The following GXYLT2 variants were observed in gnomAD, a reference collection of about 807,000 sequenced individuals.
The protein encoded by GXYLT2 is glycosyltransferase 8 domain containing 4.
Under a neutral mutation model 45.8 loss-of-function variants are expected in GXYLT2, and 53 were observed. The observed-to-expected ratio is 1.16, with a 90% confidence interval of 0.93 to 1.46. GXYLT2 has a LOEUF of 1.46. Among genes scored for constraint, GXYLT2 ranks in the 40% most tolerant of loss-of-function variants. The probability of loss-of-function intolerance (pLI) is 0.00; values close to 1 mark genes in which losing one functional copy is unlikely to be tolerated. For synonymous variants in GXYLT2, 219 were observed against 214.2 expected, an observed-to-expected ratio of 1.02 and a Z score of -0.19; for missense variants, 551 against 544.4, an observed-to-expected ratio of 1.01 and a Z score of -0.12.
intron 1 of GXYLT2, among the ~76,000 whole-genome samples, chr3:72,906,819 C>A (rs188876513): frequency 6.6e-6 from 1 of 152,298 alleles, no homozygotes; most frequent in East Asian, 1.9e-4. Flanking sequence ...TTATGAATGG[C>A]CGTCTCTCCA....
At chr3:72,967,122 C>G (rs1171378041) in intron 5 of GXYLT2, among the ~76,000 whole-genome samples, 1 of 152,184 alleles carries the variant, frequency 6.6e-6, no homozygotes, top group African/African-American at 2.4e-5. Flanking sequence ...CCCTGCTAAT[C>G]ATTTTACATG....
intron 1 of GXYLT2, among the ~76,000 whole-genome samples, chr3:72,904,892 A>AT (rs768571906): frequency 0.18 from 3,686 of 21,040 alleles, 83 homozygotes; most frequent in Non-Finnish European, 0.38. Flanking sequence ...AAAAAAAAAA[A>AT]AAAAAATTAA....
At chr3:72,902,083 C>T (rs1709420222) in intron 1 of GXYLT2, among the ~76,000 whole-genome samples, 1 of 151,102 alleles carries the variant, frequency 6.6e-6, no homozygotes, top group Non-Finnish European at 1.5e-5. Flanking sequence ...ATCAGTTTAC[C>T]AGTTGATGGA....
intron 3 of GXYLT2, among the ~76,000 whole-genome samples, chr3:72,937,693 G>A (rs1220528239): frequency 6.6e-6 from 1 of 152,160 alleles, no homozygotes; most frequent in East Asian, 1.9e-4. Flanking sequence ...TCTACTTGTA[G>A]AAGACATTCC....
At chr3:72,889,791 G>T (rs957398449) in intron 1 of GXYLT2, among the ~76,000 whole-genome samples, 2 of 151,950 alleles carry the variant, frequency 1.3e-5, no homozygotes, top group Non-Finnish European at 2.9e-5. Context: ...TATTGCCAGG[G>T]ACAGTGCTAA....
Position 72,895,791 on chromosome 3 carries a change from C to T in GXYLT2, c.275+7283C>T, listed in dbSNP as rs145203240. Among the ~76,000 whole-genome samples the T allele has an allele frequency of 6.5e-3, 989 of 152,278 alleles. 12 individuals carry two copies. Among genetic ancestry groups the T allele is most frequent in the African/African-American group, 0.023 (944 of 41,550 alleles). On this transcript the variant is annotated intron_variant, in intron 1 of 6. Transcript: ENST00000389617. ...AAGAAGTTTTTTGACATGATACCTT[C>T]ATTGGGAGTTGCTGATTTTGTGCCA...
chr3:72,937,264 A>G (rs1043402779), intron 3 of GXYLT2, among the ~76,000 whole-genome samples: 1 of 152,240 alleles, frequency 6.6e-6, no homozygotes, highest in African/African-American at 2.4e-5. Context: ...AAAAACAAGT[A>G]TTCTTTTTGA....
Position 72,908,366 on chromosome 3 carries a change from G to T in GXYLT2, c.276-1G>T. On this transcript the variant is annotated splice_acceptor_variant, in intron 1 of 6. Coordinates refer to ENST00000389617, the MANE Select transcript of GXYLT2 (RefSeq NM_001080393.2). LOFTEE classifies it high-confidence loss of function. ...CTTTCACTTGTTTTCCCTCTTTCTA[G>T]GAGGCCTGGAGAACCCAGGAGTTTC... is the stretch of plus-strand genomic sequence containing the variant. 1 of 1,578,250 alleles carries T rather than the reference G, an allele frequency of 6.3e-7. No individual in the cohort carries two copies.
intron 1 of GXYLT2, among the ~76,000 whole-genome samples, chr3:72,901,107 G>A (rs1299905224): frequency 6.6e-6 from 1 of 152,088 alleles, no homozygotes; most frequent in Non-Finnish European, 1.5e-5. Context: ...TGATCAATAT[G>A]ATGAAACCCC....
intron 2 of GXYLT2, among the ~76,000 whole-genome samples, chr3:72,911,579 C>A (rs138872319): frequency 1.4e-3 from 208 of 152,170 alleles, no homozygotes; most frequent in Admixed American, 5.2e-4. Flanking sequence ...TCTGGAGAGG[C>A]CTGCATGGTG....
At chr3:72,939,308 G>A (rs1383156596) in intron 3 of GXYLT2, among the ~76,000 whole-genome samples, 29 of 152,064 alleles carry the variant, frequency 1.9e-4, no homozygotes, top group East Asian at 1.9e-4. Context: ...TTAGCCGGGC[G>A]TGGTGGCACC....
At chr3:72,924,173 A>G (rs1468578969) in intron 3 of GXYLT2, among the ~76,000 whole-genome samples, 3 of 151,702 alleles carry the variant, frequency 2.0e-5, no homozygotes, top group Non-Finnish European at 4.4e-5. Context: ...CAAGCCATCT[A>G]GAAGTGTCTG....
chr3:72,936,666 CA>C (rs34142381), intron 3 of GXYLT2, among the ~76,000 whole-genome samples: 116,603 of 151,780 alleles, frequency 0.77, 45,219 homozygotes, highest in African/African-American at 0.88. Context: ...AAAAAAACAA[CA>C]AAAAAAAACC....
At chr3:72,941,808 G>A (rs1710304972) in intron 3 of GXYLT2, among the ~76,000 whole-genome samples, 1 of 152,098 alleles carries the variant, frequency 6.6e-6, no homozygotes, top group African/African-American at 2.4e-5. Flanking sequence ...ATAAGAAAAA[G>A]AAGTAATTAT....
chr3:72,891,027 G>T (rs1328476984), intron 1 of GXYLT2, among the ~76,000 whole-genome samples: 1 of 152,164 alleles, frequency 6.6e-6, no homozygotes, highest in Non-Finnish European at 1.5e-5. Context: ...TTGTGAGGGA[G>T]CAGGAGGAAA....
chr3:72,946,879 AGTGGTGTG>A (rs1338010536), intron 3 of GXYLT2, among the ~76,000 whole-genome samples: 1 of 152,162 alleles, frequency 6.6e-6, no homozygotes, highest in African/African-American at 2.4e-5. Context: ...GCCTCTGTGC[AGTGGTGTG>A]ATCATAGCTC....
intron 3 of GXYLT2, among the ~76,000 whole-genome samples, chr3:72,932,685 A>T (rs747459237): frequency 2.6e-5 from 4 of 152,250 alleles, no homozygotes; most frequent in African/African-American, 7.2e-5. Context: ...GTTTGGCTTA[A>T]CAATGAATAG....
At chr3:72,932,687 A>G (rs745668382) in intron 3 of GXYLT2, among the ~76,000 whole-genome samples, 6 of 152,344 alleles carry the variant, frequency 3.9e-5, no homozygotes, top group Admixed American at 6.5e-5. Flanking sequence ...TTGGCTTAAC[A>G]ATGAATAGTT....
intron 3 of GXYLT2, among the ~76,000 whole-genome samples, chr3:72,925,330 A>G (rs1197418552): frequency 2.0e-5 from 3 of 151,776 alleles, no homozygotes; most frequent in Non-Finnish European, 2.9e-5. Flanking sequence ...TAATTTTTGT[A>G]TTTTTAGTAG....
Sources: allele counts gnomAD v4.1 joint callset (sites outside exome capture counted in the v4.1 genomes callset), GRCh38; gene constraint gnomAD v4.1.1; transcripts MANE v1.5; gene names NCBI Gene and HGNC (gene_info 2026-07-23, HGNC 2026-07-21).